Variants in SLC2A13 observed in about 807,000 individuals in gnomAD.
SLC2A13 encodes solute carrier family 2 member 13.
A neutral mutation model predicts 64.4 loss-of-function variants in SLC2A13; 32 were observed. The observed-to-expected ratio is 0.50, with a 90% CI of 0.37 to 0.67. SLC2A13 has a LOEUF of 0.67. Ranked by LOEUF, SLC2A13 falls within the 30% of genes least tolerant of loss-of-function variation. The probability of loss-of-function intolerance (pLI) is 0.00; values close to 1 mark genes in which losing one functional copy is unlikely to be tolerated. For synonymous variants in SLC2A13, 338 were observed against 327.1 expected, an observed-to-expected ratio of 1.03 and a Z score of -0.36; for missense variants, 743 against 829.2, an observed-to-expected ratio of 0.90 and a Z score of 1.28.
At chr12:39,968,760 GTATATATATATATATATATATA>G (rs56838055) in intron 3 of SLC2A13, among the ~76,000 whole-genome samples, 14 of 59,876 alleles carry the variant, frequency 2.3e-4, no homozygotes, top group Admixed American at 7.8e-4. Flanking sequence ...TTTTTTTTTG[GTATATATATATATATATATATA>G]TATATATATA....
intron 3 of SLC2A13, among the ~76,000 whole-genome samples, chr12:40,025,540 T>C (rs1396584422): frequency 6.6e-6 from 1 of 152,220 alleles, no homozygotes; most frequent in Non-Finnish European, 1.5e-5. Context: ...ATCAGACCTA[T>C]TTATTAGTAA....
At chr12:39,776,337 A>G (rs1244825221) in intron 7 of SLC2A13, among the ~76,000 whole-genome samples, 1 of 152,124 alleles carries the variant, frequency 6.6e-6, no homozygotes, top group Admixed American at 6.5e-5. Flanking sequence ...CCCCCTCGCC[A>G]CCAAGCACAA....
At chr12:39,821,476 G>C (rs963664456) in intron 7 of SLC2A13, among the ~76,000 whole-genome samples, 8 of 152,070 alleles carry the variant, frequency 5.3e-5, no homozygotes, top group Non-Finnish European at 1.2e-4. Flanking sequence ...ATATCAGTCA[G>C]AAGAGAATAG....
chr12:39,949,523 A>G (rs1362820915), intron 4 of SLC2A13: 6 of 152,232 alleles, frequency 3.9e-5, no homozygotes, highest in Admixed American at 2.0e-4. Flanking sequence ...AAAATTTGAC[A>G]GCATCAATCA....
intron 3 of SLC2A13, among the ~76,000 whole-genome samples, chr12:39,979,022 C>A (rs1202807143): frequency 1.3e-5 from 2 of 151,088 alleles, no homozygotes; most frequent in Non-Finnish European, 3.0e-5. Context: ...ACCCCTGACC[C>A]CCGAGCAGCC....
chr12:39,893,312 T>C (rs1244981988), intron 4 of SLC2A13, among the ~76,000 whole-genome samples: 2 of 152,248 alleles, frequency 1.3e-5, no homozygotes, highest in African/African-American at 2.4e-5. Context: ...TCTTTTCTTT[T>C]CTTTTGAGAT....
intron 7 of SLC2A13, among the ~76,000 whole-genome samples, chr12:39,777,115 GA>G (rs1375948598): frequency 1.3e-5 from 2 of 152,086 alleles, no homozygotes; most frequent in Admixed American, 6.5e-5. Context: ...TGTCACTCAA[GA>G]AAAAACAAAC....
chr12:39,894,375 CAAT>C (rs1449434622), intron 4 of SLC2A13, among the ~76,000 whole-genome samples: 1 of 152,096 alleles, frequency 6.6e-6, no homozygotes, highest in Admixed American at 6.6e-5. Context: ...AATATCACAA[CAAT>C]ATTTTTCTTA....
At position 39,935,961 on chromosome 12, in the gene SLC2A13, C is replaced by T. The variant is rs549835502; in HGVS notation, c.1034+15296G>A. ...TTATGAAACTTGTAGCTTTACACACCCTTCTTTATATACCCTTGCGTAGGG... is the reference window on the plus strand; with the variant it reads ...TTATGAAACTTGTAGCTTTACACACTCTTCTTTATATACCCTTGCGTAGGG... On this transcript the variant is annotated intron_variant, in intron 4 of 9. Transcript: ENST00000280871. Among the ~76,000 whole-genome samples the T allele has an allele frequency of 9.3e-4, 142 of 152,206 alleles. 1 individual carries two copies. The highest frequency in any genetic ancestry group is 1.8e-3 in the Non-Finnish European group (124 of 67,986).
In SLC2A13 at chr12:40,106,046, G is replaced by T; in HGVS notation, c.-238C>A. The T allele has an allele frequency of 5.3e-6, 2 of 377,318 alleles. No homozygotes were observed. Among genetic ancestry groups the T allele is most frequent in the East Asian group, 4.3e-5 (1 of 23,274 alleles). 23.4% of individuals were successfully genotyped at this position (377,318 alleles called of 1,614,324 possible). A position where few individuals can be genotyped will look rare whatever the true frequency, so the allele number is the denominator to read the frequency against. On this transcript the variant is annotated 5_prime_UTR_variant, in exon 1 of 10. Transcript: ENST00000280871. ...CCGGCGGGTCTCACTCCACACTCACGCCCCGCGCCTGCCGAGCTGGCGCTG... is the reference window on the plus strand; with the variant it reads ...CCGGCGGGTCTCACTCCACACTCACTCCCCGCGCCTGCCGAGCTGGCGCTG...
intron 4 of SLC2A13, among the ~76,000 whole-genome samples, chr12:39,904,608 G>T (rs1414244808): frequency 6.6e-6 from 1 of 152,068 alleles, no homozygotes; most frequent in African/African-American, 2.4e-5. Context: ...TATCCACACA[G>T]ATGTTGCAGA....
intron 7 of SLC2A13, among the ~76,000 whole-genome samples, chr12:39,792,689 GA>G (rs1294320184): frequency 2.0e-5 from 3 of 151,958 alleles, no homozygotes; most frequent in Non-Finnish European, 2.9e-5. Flanking sequence ...CCAAAAGTCA[GA>G]TATAGATACC....
At chr12:39,803,520 G>T (rs1156460277) in intron 7 of SLC2A13, among the ~76,000 whole-genome samples, 2 of 151,864 alleles carry the variant, frequency 1.3e-5, no homozygotes, top group Non-Finnish European at 2.9e-5. Context: ...GATTTAAAAA[G>T]ATATAAAATG....
intron 7 of SLC2A13, among the ~76,000 whole-genome samples, chr12:39,826,709 G>A (rs1942686700): frequency 1.4e-5 from 2 of 145,442 alleles, no homozygotes; most frequent in Non-Finnish European, 3.0e-5. Context: ...AGCTTCCCAA[G>A]TTTTTTTTTT....
chr12:39,888,750 AG>A (rs1424214365), intron 4 of SLC2A13, among the ~76,000 whole-genome samples: 1 of 152,186 alleles, frequency 6.6e-6, no homozygotes, highest in East Asian at 1.9e-4. Flanking sequence ...TTTTGAATAT[AG>A]TGTTTTCCTC....
At chr12:40,061,051 T>A (rs1565609797) in intron 1 of SLC2A13, among the ~76,000 whole-genome samples, 1 of 152,120 alleles carries the variant, frequency 6.6e-6, no homozygotes, top group Non-Finnish European at 1.5e-5. Context: ...TAAATATGTA[T>A]GAGTAAAATT....
chr12:40,030,011 C>A (rs1947879461), intron 2 of SLC2A13, among the ~76,000 whole-genome samples: 1 of 152,182 alleles, frequency 6.6e-6, no homozygotes, highest in Admixed American at 6.5e-5. Context: ...TTCAACATAG[C>A]ATTTAGTTAA....
intron 4 of SLC2A13, among the ~76,000 whole-genome samples, chr12:39,897,333 C>A (rs1408883903): frequency 6.6e-6 from 1 of 152,184 alleles, no homozygotes; most frequent in Admixed American, 6.6e-5. Context: ...TCAAGCAGAG[C>A]TCCATATTTT....
intron 4 of SLC2A13, among the ~76,000 whole-genome samples, chr12:39,881,041 G>C (rs1272812841): frequency 6.6e-6 from 1 of 152,178 alleles, no homozygotes; most frequent in African/African-American, 2.4e-5. Context: ...GTTTATGCCT[G>C]TCATTGTAAT....
Sources: gnomAD v4.1 joint callset for allele counts (sites outside exome capture counted in the v4.1 genomes callset) on GRCh38, gnomAD v4.1.1 for gene constraint, MANE v1.5 for transcripts, NCBI Gene and HGNC (gene_info 2026-07-23, HGNC 2026-07-21) for gene names.